Variants in SH3BGRL2 observed in about 807,000 individuals in gnomAD.
The protein encoded by SH3BGRL2 is SH3 domain-binding glutamic acid-rich-like protein 2.
Under a neutral mutation model 14.8 loss-of-function variants are expected in SH3BGRL2, and 21 were observed. The ratio of observed to expected loss-of-function variants is 1.42; its 90% CI spans 1.01 to 2.05. The LOEUF (loss-of-function observed/expected upper bound fraction) is 2.05. Among genes scored for constraint, SH3BGRL2 ranks in the 30% most tolerant of loss-of-function variants. The probability of loss-of-function intolerance (pLI) is 0.00; values close to 1 mark genes in which losing one functional copy is unlikely to be tolerated. For synonymous variants in SH3BGRL2, 50 were observed against 47.8 expected (o/e 1.05, Z -0.19); for missense variants, 147 against 130.8 (o/e 1.12, Z -0.61).
intron 1 of SH3BGRL2, among the ~76,000 whole-genome samples, chr6:79,651,371 T>G (rs184805337): frequency 2.6e-3 from 394 of 152,306 alleles, no homozygotes; most frequent in African/African-American, 9.3e-3. Flanking sequence ...AAATTCATAT[T>G]TTATGCTTGG....
At chr6:79,674,121 GT>G (rs1470624599) in intron 2 of SH3BGRL2, among the ~76,000 whole-genome samples, 14 of 152,066 alleles carry the variant, frequency 9.2e-5, no homozygotes, top group African/African-American at 3.4e-4. Context: ...TGTGTATTAT[GT>G]TCTAAATTTT....
At chr6:79,688,097 G>C (rs1770137505) in intron 2 of SH3BGRL2, among the ~76,000 whole-genome samples, 1 of 151,890 alleles carries the variant, frequency 6.6e-6, no homozygotes, top group Non-Finnish European at 1.5e-5. Flanking sequence ...GAATGAAACT[G>C]TTGTTAACTC....
the SH3BGRL2 span, among the ~76,000 whole-genome samples, chr6:79,552,228 G>T: frequency 1.3e-5 from 2 of 152,226 alleles, no homozygotes; most frequent in Non-Finnish European, 2.9e-5. Context: ...CAAAGCTGTA[G>T]TTACGGCTGG....
intron 1 of SH3BGRL2, among the ~76,000 whole-genome samples, chr6:79,650,802 C>T (rs563858587): frequency 3.3e-5 from 5 of 152,066 alleles, no homozygotes; most frequent in African/African-American, 1.2e-4. Context: ...TCCAAATTAT[C>T]AGCAGGTGAG....
chr6:79,652,702 A>AGGGGG (rs1467491456), intron 1 of SH3BGRL2, among the ~76,000 whole-genome samples: 1 of 151,868 alleles, frequency 6.6e-6, no homozygotes, highest in Non-Finnish European at 1.5e-5. Flanking sequence ...AGCAGTAAGG[A>AGGGGG]GGGGGGACCC....
the SH3BGRL2 span, among the ~76,000 whole-genome samples, chr6:79,609,153 G>A: frequency 1.8e-3 from 273 of 152,284 alleles, 2 homozygotes; most frequent in East Asian, 0.031. Flanking sequence ...TTTCCCTTGT[G>A]TGATAAGCTC....
chr6:79,639,531 A>G (rs1768990749), intron 1 of SH3BGRL2, among the ~76,000 whole-genome samples: 1 of 152,178 alleles, frequency 6.6e-6, no homozygotes, highest in South Asian at 2.1e-4. Context: ...TCGAGCCTGC[A>G]GTGAGCCGAG....
chr6:79,588,948 C>T, the SH3BGRL2 span, among the ~76,000 whole-genome samples: 1 of 152,080 alleles, frequency 6.6e-6, no homozygotes, highest in Non-Finnish European at 1.5e-5. Context: ...TTATAGTTAT[C>T]TCTCAGTATC....
chr6:79,551,557 G>A, the SH3BGRL2 span, among the ~76,000 whole-genome samples: 4 of 152,146 alleles, frequency 2.6e-5, no homozygotes, highest in East Asian at 7.7e-4. Context: ...CAGGCTAGGA[G>A]ATATGCCTCC....
At chr6:79,630,415 TGAGA>T (rs67051291), upstream of SH3BGRL2, among the ~76,000 whole-genome samples, 7 of 152,166 alleles carry the variant, frequency 4.6e-5, no homozygotes, top group Non-Finnish European at 1.0e-4. Context: ...TCGACAAAAC[TGAGA>T]GAGAGGCTTG....
chr6:79,563,061 T>C, the SH3BGRL2 span, among the ~76,000 whole-genome samples: 2 of 152,086 alleles, frequency 1.3e-5, no homozygotes, highest in Admixed American at 1.3e-4. Flanking sequence ...GTTCACGCCA[T>C]TCTCCTGCCT....
At chr6:79,546,791 T>C in the SH3BGRL2 span, among the ~76,000 whole-genome samples, 3 of 151,874 alleles carry the variant, frequency 2.0e-5, no homozygotes, top group Admixed American at 1.3e-4. Flanking sequence ...CTGGGTTCAC[T>C]GCCTCAGCCT....
chr6:79,571,876 AATG>A, the SH3BGRL2 span, among the ~76,000 whole-genome samples: 4 of 152,206 alleles, frequency 2.6e-5, no homozygotes, highest in Non-Finnish European at 4.4e-5. Context: ...GTTTACCCAT[AATG>A]ATCTAAGAAG....
Position 79,673,109 on chromosome 6 carries a change from G to T in SH3BGRL2, c.46-505G>T, listed in dbSNP as rs149918950. 7.5e-3 allele frequency among the ~76,000 whole-genome samples: 1,068 copies of T among 142,280 alleles called. 18 individuals carry two copies. The highest frequency in any genetic ancestry group is 0.025 in the African/African-American group (997 of 39,484). 93.3% of individuals were successfully genotyped at this position (142,280 alleles called of 152,430 possible). A position where few individuals can be genotyped will look rare whatever the true frequency, so the allele number is the denominator to read the frequency against. On this transcript the variant is annotated intron_variant, in intron 1 of 3. Coordinates refer to ENST00000369838, the MANE Select transcript of SH3BGRL2 (RefSeq NM_031469.4). ...TTTCAGATGGTTTTGGGCAAAGGGAGCTTTTATGACCATAGATGTCAACTT... is the reference window on the plus strand; with the variant it reads ...TTTCAGATGGTTTTGGGCAAAGGGATCTTTTATGACCATAGATGTCAACTT...
the SH3BGRL2 span, among the ~76,000 whole-genome samples, chr6:79,579,609 T>C: frequency 1.3e-5 from 2 of 152,178 alleles, no homozygotes; most frequent in Non-Finnish European, 2.9e-5. Flanking sequence ...TGAGAGATTT[T>C]GTCACCACCA....
intron 1 of SH3BGRL2, among the ~76,000 whole-genome samples, chr6:79,655,643 A>C (rs1582721525): frequency 6.6e-6 from 1 of 152,114 alleles, no homozygotes; most frequent in Admixed American, 6.6e-5. Context: ...TTCTGTCTAC[A>C]TGGTCACCTA....
At chr6:79,542,031 T>C in the SH3BGRL2 span, among the ~76,000 whole-genome samples, 1 of 152,046 alleles carries the variant, frequency 6.6e-6, no homozygotes, top group Non-Finnish European at 1.5e-5. Context: ...CTAGAGAGTG[T>C]CTCATACTTA....
the SH3BGRL2 span, among the ~76,000 whole-genome samples, chr6:79,622,242 GGCT>G: frequency 1.1e-4 from 16 of 152,142 alleles, no homozygotes; most frequent in South Asian, 2.5e-3. Context: ...TAGGTTGATA[GGCT>G]GCTATTTAGT....
chr6:79,591,332 A>G, the SH3BGRL2 span, among the ~76,000 whole-genome samples: 3 of 152,146 alleles, frequency 2.0e-5, no homozygotes, highest in East Asian at 5.8e-4. Flanking sequence ...TAATCTTTTT[A>G]TATGGAAAAA....
Sources: gnomAD v4.1 joint callset for allele counts (sites outside exome capture counted in the v4.1 genomes callset) on GRCh38, gnomAD v4.1.1 for gene constraint, MANE v1.5 for transcripts, NCBI Gene and HGNC (gene_info 2026-07-23, HGNC 2026-07-21) for gene names.